The following TRIM25 variants were observed in gnomAD, a reference collection of about 807,000 sequenced individuals.
TRIM25 encodes the protein E3 ubiquitin/ISG15 ligase TRIM25.
TRIM25 carries 45 observed loss-of-function variants against 65.2 expected under a neutral mutation model. The observed-to-expected ratio is 0.69, with a 90% CI of 0.54 to 0.89. TRIM25 has a LOEUF of 0.89. Among genes scored for constraint, TRIM25 ranks in the 40% least tolerant of loss-of-function variants. The pLI is 0.00. For missense variants in TRIM25, 714 were observed against 803.7 expected (o/e 0.89, Z 1.35); for synonymous variants, 321 against 340.4 (o/e 0.94, Z 0.63).
At chr17:56,905,477 A>G (rs1425532160) in intron 2 of TRIM25, among the ~76,000 whole-genome samples, 1 of 152,240 alleles carries the variant, frequency 6.6e-6, no homozygotes, top group African/African-American at 2.4e-5. Context: ...CACTTGCTAC[A>G]TGTGGCTACT....
rs1355857538 is a variant in TRIM25, at chr17:56,908,047, C to T, written c.693+421G>A. ...GATTTTGGACTTCTGGCCTCCAGAA[C>T]TCTGCCAGAATACATTTCTGTTGTT... On this transcript the variant is annotated intron_variant, in intron 2 of 8. Transcript: ENST00000316881. Among the ~76,000 whole-genome samples the T allele has an allele frequency of 2.6e-5, 4 of 152,338 alleles. No homozygotes were observed. The South Asian group carries it at 6.2e-4, about 24-fold the overall frequency.
chr17:56,896,311 A>G (rs1791071959), intron 5 of TRIM25, among the ~76,000 whole-genome samples: 1 of 150,108 alleles, frequency 6.7e-6, no homozygotes, highest in South Asian at 2.1e-4. Context: ...TTATATTTCC[A>G]TAAAGGAAAA....
chr17:56,908,649 G>C lies in TRIM25; in HGVS notation c.598-86C>G, dbSNP rs909816982. 6 of 1,339,192 alleles carry C rather than the reference G, an allele frequency of 4.5e-6. No homozygotes were observed. The South Asian group carries it at 5.9e-5, about 13-fold the overall frequency. The allele number at this position is 1,339,192 out of a possible 1,614,324, so 83.0% of individuals were successfully genotyped here. ...ATCCCTGGAACTATCCCACAGGATA[G>C]ATTCCTTCCTCTTCCACTCCACCCA... is the stretch of plus-strand genomic sequence containing the variant. On this transcript the variant is annotated intron_variant, in intron 1 of 8. Coordinates refer to ENST00000316881, the MANE Select transcript of TRIM25 (RefSeq NM_005082.5).
At position 56,913,468 on chromosome 17, in the gene TRIM25, C is replaced by G. The variant is rs757148912; in HGVS notation, c.521G>C (p.Cys174Ser). 6.2e-7 allele frequency: 1 copy of G among 1,611,988 alleles called. No individual in the cohort carries two copies. The highest frequency in any genetic ancestry group is 8.5e-7 in the Non-Finnish European group (1 of 1,178,710). The change falls in exon 1 of 9, where the codon TGC (cysteine) becomes TCC (serine). Residue 174 changes from cysteine to serine, a missense_variant. Coordinates refer to ENST00000316881, the MANE Select transcript of TRIM25 (RefSeq NM_005082.5). The surrounding 1 kb of genome is among the most constrained non-coding windows in gnomAD (Gnocchi z 6.1). ...REFFCPEHSE[C>S]ICHICLVEHK... Reference sequence around the variant, plus strand: ...CTCCACCAGGCAGATGTGGCAGATGCACTCGCTGTGCTCGGGGCAGAAAAA... The same window carrying G: ...CTCCACCAGGCAGATGTGGCAGATGGACTCGCTGTGCTCGGGGCAGAAAAA...
At position 56,913,226 on chromosome 17, in the gene TRIM25, A is replaced by C; in HGVS notation, c.597+166T>G. ...TCTTCATGGATGATGGGAAGGGACT[A>C]TATAATCTCCCATCCCCTTTCTACT... On this transcript the variant is annotated intron_variant, in intron 1 of 8. Coordinates refer to ENST00000316881, the MANE Select transcript of TRIM25 (RefSeq NM_005082.5). The surrounding 1 kb of genome is among the most constrained non-coding windows in gnomAD (Gnocchi z 6.1). 1 of 554,060 alleles carries C rather than the reference A, an allele frequency of 1.8e-6. No individual in the cohort carries two copies. The highest frequency in any genetic ancestry group is 3.1e-6 in the Non-Finnish European group (1 of 324,900). 34.3% of individuals were successfully genotyped at this position (554,060 alleles called of 1,614,324 possible).
intron 3 of TRIM25, among the ~76,000 whole-genome samples, chr17:56,901,977 C>G (rs984269040): frequency 6.6e-6 from 1 of 152,182 alleles, no homozygotes; most frequent in African/African-American, 2.4e-5. Context: ...ATCACACATT[C>G]TGGTAACAGA....
intron 2 of TRIM25, among the ~76,000 whole-genome samples, chr17:56,906,205 A>G (rs1187013025): frequency 1.0e-5 from 1 of 97,096 alleles, no homozygotes; most frequent in Non-Finnish European, 2.0e-5. Flanking sequence ...GAATGGATTC[A>G]TATTCTTATC....
rs61731985 is a variant in TRIM25 at position 56,895,559 on chromosome 17, G to T, written c.1226C>A (p.Pro409Gln). 2.2e-3 allele frequency: 3,431 copies of T among 1,588,832 alleles called. 5 individuals carry two copies. The highest frequency in any genetic ancestry group is 2.5e-3 in the Non-Finnish European group (2,936 of 1,165,156). The change falls in exon 7 of 9, where the codon CCG becomes CAG. Residue 409 changes from proline to glutamine, a missense_variant. By Grantham distance (76) the Pro-to-Gln change is moderately conservative. Transcript: ENST00000316881. ...TTGTTTTAAATCCACTAACTGTTCC[G>T]GGGCTCCAAACGTGGGAAGCTTGCT... The part of the protein sequence containing the change: ...LPSKLPTFGA[P>Q]EQLVDLKQAG...
rs1421061207 is a variant in TRIM25, at chr17:56,895,404, T to C, written c.1302A>G (p.Thr434=). The C allele has an allele frequency of 6.2e-7, 1 of 1,614,068 alleles. No individual in the cohort carries two copies. Among genetic ancestry groups the C allele is most frequent in the South Asian group, 1.1e-5 (1 of 91,078 alleles). The part of the protein sequence containing the change: ...AKATSSHPNS[T]SLKAKVLETF... ...TCTCCAGCACCTTGGCCTTGAGAGA[T>C]GTTGAGTTCGGATGTGAGCTGGTGG... is the stretch of plus-strand genomic sequence containing the variant. Residue 434 remains threonine (T), a synonymous_variant, in exon 8 of 9, where the codon ACA becomes ACG. Coordinates refer to ENST00000316881, the MANE Select transcript of TRIM25 (RefSeq NM_005082.5).
intron 1 of TRIM25, among the ~76,000 whole-genome samples, chr17:56,910,877 G>A (rs981887543): frequency 1.3e-5 from 2 of 152,218 alleles, no homozygotes; most frequent in African/African-American, 4.8e-5. Context: ...ATGAGCAGCA[G>A]TAGCAGGGCT....
intron 6 of TRIM25, 28 bp downstream of exon 6, chr17:56,895,898 C>T (rs778921296): frequency 1.2e-5 from 19 of 1,609,172 alleles, no homozygotes; most frequent in South Asian, 8.9e-5. Flanking sequence ...TCTCAAGAAA[C>T]GAACAGTTGC....
intron 8 of TRIM25, among the ~76,000 whole-genome samples, chr17:56,894,341 C>G (rs1909242746): frequency 1.3e-5 from 2 of 152,216 alleles, no homozygotes; most frequent in Admixed American, 1.3e-4. Flanking sequence ...CTCCACCTCC[C>G]AAGTTCAAGT....
intron 2 of TRIM25, among the ~76,000 whole-genome samples, chr17:56,908,248 T>A (rs1179483196): frequency 6.6e-6 from 1 of 152,232 alleles, no homozygotes; most frequent in Non-Finnish European, 1.5e-5. Flanking sequence ...TTATAATGAT[T>A]TCCCCCACAG....
chr17:56,907,121 G>C (rs1345336423), intron 2 of TRIM25, among the ~76,000 whole-genome samples: 1 of 152,196 alleles, frequency 6.6e-6, no homozygotes, highest in African/African-American at 2.4e-5. Context: ...AACCAAAGAG[G>C]CTGGGACAAT....
At chr17:56,909,184 A>T (rs1909579290) in intron 1 of TRIM25, among the ~76,000 whole-genome samples, 1 of 151,882 alleles carries the variant, frequency 6.6e-6, no homozygotes, top group African/African-American at 2.4e-5. Flanking sequence ...CTGGAGAGCC[A>T]ATCAAGCAGA....
intron 1 of TRIM25, chr17:56,908,904 G>A (rs1909573091): frequency 8.5e-6 from 2 of 234,408 alleles, no homozygotes; most frequent in South Asian, 1.8e-4. Flanking sequence ...TTGAAACAAT[G>A]TAAGTACTCA....
In TRIM25 at chr17:56,898,906, G is replaced by A. The variant is rs1033337636; in HGVS notation, c.1153+209C>T. ...ACAAGCCAGCCTCAGGCATCTTGCT[G>A]TTCCAGGCAGCCCAAACGTGCAATG... On this transcript the variant is annotated intron_variant, in intron 5 of 8. Transcript: ENST00000316881. The A allele has an allele frequency of 7.0e-6, 4 of 572,246 alleles. No individual in the cohort carries two copies. The African/African-American group carries it at 7.6e-5, about 11-fold the overall frequency. 35.4% of individuals were successfully genotyped at this position (572,246 alleles called of 1,614,324 possible). A position where few individuals can be genotyped will look rare whatever the true frequency, so the allele number is the denominator to read the frequency against.
intron 1 of TRIM25, among the ~76,000 whole-genome samples, chr17:56,912,519 G>C (rs1909649023): frequency 6.6e-6 from 1 of 152,112 alleles, no homozygotes; most frequent in Non-Finnish European, 1.5e-5. Context: ...CTGATCACAG[G>C]AACTCTCCGG....
Position 56,888,299 on chromosome 17 carries a change from C to T in TRIM25, c.*3401G>A, listed in dbSNP as rs1363575446. ...AAGCTCAGGTGTGATCCCATGGCCT[C>T]ACAAATAACAAAGACACTCCTATTA... On this transcript the variant is annotated 3_prime_UTR_variant, in exon 9 of 9. Transcript: ENST00000316881. 6.6e-6 allele frequency: 1 copy of T among 152,136 alleles called. No homozygotes were observed. The highest frequency in any genetic ancestry group is 2.4e-5 in the African/African-American group (1 of 41,412). The allele number at this position is 152,136 out of a possible 1,614,324, so 9.4% of individuals were successfully genotyped here. A position where few individuals can be genotyped will look rare whatever the true frequency, so the allele number is the denominator to read the frequency against.
Sources: allele counts gnomAD v4.1 joint callset (sites outside exome capture counted in the v4.1 genomes callset), GRCh38; gene constraint gnomAD v4.1.1; non-coding constraint Gnocchi (gnomAD v3.1); transcripts MANE v1.5; gene names NCBI Gene and HGNC (gene_info 2026-07-23, HGNC 2026-07-21).